The following ADCY2 variants were observed in gnomAD, a reference collection of about 807,000 sequenced individuals.
ADCY2 encodes the protein adenylate cyclase 2, also known as adenylate cyclase type 2.
In ADCY2, 31 loss-of-function variants were observed where a neutral mutation model predicts 125.2. The observed-to-expected ratio is 0.25, with a 90% confidence interval of 0.19 to 0.33. The LOEUF (loss-of-function observed/expected upper bound fraction) is 0.33. ADCY2 is among the 10% of genes least tolerant of loss of function. The pLI is 1.00. For synonymous variants in ADCY2, 512 were observed against 548.4 expected, an observed-to-expected ratio of 0.93 and a Z score of 0.93; for missense variants, 904 against 1,418.2, an observed-to-expected ratio of 0.64 and a Z score of 5.82.
chr5:7,426,184 T>C (rs1740379537), intron 2 of ADCY2, among the ~76,000 whole-genome samples: 1 of 152,208 alleles, frequency 6.6e-6, no homozygotes, highest in African/African-American at 2.4e-5. Context: ...ATTAGTGCCC[T>C]CTAATAGGAG....
At chr5:7,618,137 T>C (rs993297004) in intron 3 of ADCY2, among the ~76,000 whole-genome samples, 2 of 152,184 alleles carry the variant, frequency 1.3e-5, no homozygotes, top group South Asian at 2.1e-4. Context: ...CTTACTAATA[T>C]CATGTTTAAA....
chr5:7,475,471 C>A (rs1490781), intron 2 of ADCY2, among the ~76,000 whole-genome samples: 2,040 of 152,004 alleles, frequency 0.013, 41 homozygotes, highest in African/African-American at 0.047. Context: ...AACCTCCGTC[C>A]CCCGGGTTTG....
intron 2 of ADCY2, among the ~76,000 whole-genome samples, chr5:7,513,132 AAG>A (rs372436725): frequency 2.3e-5 from 3 of 128,266 alleles, no homozygotes; most frequent in Non-Finnish European, 5.3e-5. Context: ...GAGAGAGAGC[AAG>A]AGAGAGAGAG....
In ADCY2 at chr5:7,826,473, G is replaced by A. The variant is rs139442403; in HGVS notation, c.3124-246G>A. On this transcript the variant is annotated intron_variant, in intron 24 of 24. Coordinates refer to ENST00000338316, the MANE Select transcript of ADCY2 (RefSeq NM_020546.3). ...ATGATAGCATCATGGTAGCACCGTA[G>A]TTTACTGGAGTTACTTGAATTTTAG... 3.7e-3 allele frequency: 2,263 copies of A among 606,732 alleles called. 5 individuals carry two copies. Among genetic ancestry groups the A allele is most frequent in the Non-Finnish European group, 4.9e-3 (1,624 of 332,868 alleles). The allele number at this position is 606,732 out of a possible 1,614,324, so 37.6% of individuals were successfully genotyped here.
chr5:7,791,587 G>A (rs961950238), intron 20 of ADCY2, among the ~76,000 whole-genome samples: 3 of 152,254 alleles, frequency 2.0e-5, no homozygotes, highest in Non-Finnish European at 4.4e-5. Context: ...TTCTCCTGGT[G>A]TTTACTACAT....
rs574770476 is a variant in ADCY2 at position 7,709,510 on chromosome 5, C to A, written c.1578+123C>A. 14 of 1,188,158 alleles carry A rather than the reference C, an allele frequency of 1.2e-5. No homozygotes were observed. In the South Asian group the frequency reaches 2.2e-4, roughly 18 times the overall value. 73.6% of individuals were successfully genotyped at this position (1,188,158 alleles called of 1,614,324 possible). A position where few individuals can be genotyped will look rare whatever the true frequency, so the allele number is the denominator to read the frequency against. On this transcript the variant is annotated intron_variant, in intron 10 of 24. Transcript: ENST00000338316. This position sits in a 1 kb window ranked among gnomAD's most constrained non-coding sequence, Gnocchi z 4.4. ...TAAGAAACAAACTTATCACCTTCTT[C>A]TTCTCAGAGAGGCCCTTATGAACAA...
At position 7,396,169 on chromosome 5, in the gene ADCY2, C is replaced by T; in HGVS notation, c.-128C>T. The T allele has an allele frequency of 3.3e-6, 1 of 302,040 alleles. No homozygotes were observed. The highest frequency in any genetic ancestry group is 4.8e-6 in the Non-Finnish European group (1 of 209,470). 18.7% of individuals were successfully genotyped at this position (302,040 alleles called of 1,614,324 possible). ...CCGAGCTCCGCCCGCGCCGGAGGCC[C>T]CTGCGCGCAGCTCCGGGTGCCGGCA... On this transcript the variant is annotated 5_prime_UTR_variant, in exon 1 of 25. Coordinates refer to ENST00000338316, the MANE Select transcript of ADCY2 (RefSeq NM_020546.3). The surrounding 1 kb of genome is among the most constrained non-coding windows in gnomAD (Gnocchi z 5.7).
chr5:7,728,923 T>C (rs945186326), intron 14 of ADCY2, among the ~76,000 whole-genome samples: 7 of 152,204 alleles, frequency 4.6e-5, no homozygotes, highest in African/African-American at 1.2e-4. Flanking sequence ...ATTTCACTTT[T>C]AAGAAACACA....
intron 3 of ADCY2, among the ~76,000 whole-genome samples, chr5:7,527,084 G>A (rs1225094677): frequency 6.6e-6 from 1 of 152,162 alleles, no homozygotes; most frequent in Non-Finnish European, 1.5e-5. Flanking sequence ...AAGGCAAAGG[G>A]AAATTGGGAC....
intron 2 of ADCY2, among the ~76,000 whole-genome samples, chr5:7,514,530 T>G (rs10074245): frequency 0.03 from 4,520 of 152,300 alleles, 210 homozygotes; most frequent in African/African-American, 0.1. Context: ...AGCATAAACC[T>G]GATGTTATGG....
intron 2 of ADCY2, among the ~76,000 whole-genome samples, chr5:7,475,364 A>C (rs918234073): frequency 6.6e-6 from 1 of 151,660 alleles, no homozygotes; most frequent in African/African-American, 2.4e-5. Flanking sequence ...CCTGTGCTGG[A>C]GGACAGGGAG....
chr5:7,522,888 T>C (rs1456013569), intron 3 of ADCY2, among the ~76,000 whole-genome samples: 1 of 150,690 alleles, frequency 6.6e-6, no homozygotes, highest in African/African-American at 2.5e-5. Context: ...ATCGCGCCAC[T>C]GCACTCCAGC....
At chr5:7,483,182 CA>C (rs1002032688) in intron 2 of ADCY2, among the ~76,000 whole-genome samples, 1 of 151,982 alleles carries the variant, frequency 6.6e-6, no homozygotes, top group African/African-American at 2.4e-5. Flanking sequence ...ATATTTCCAA[CA>C]AAAAATGACA....
intron 2 of ADCY2, among the ~76,000 whole-genome samples, chr5:7,435,015 T>C (rs1385650228): frequency 6.6e-6 from 1 of 152,228 alleles, no homozygotes; most frequent in Non-Finnish European, 1.5e-5. Context: ...GGTGTTAGGT[T>C]ACCTGGGAAA....
chr5:7,711,424 A>ATTGG (rs1243170748), intron 10 of ADCY2, among the ~76,000 whole-genome samples: 2 of 152,176 alleles, frequency 1.3e-5, no homozygotes, highest in African/African-American at 4.8e-5. Flanking sequence ...TACATCAGCA[A>ATTGG]TTGGTTGGTT....
chr5:7,716,687 A>G (rs912961264), intron 11 of ADCY2, among the ~76,000 whole-genome samples: 1 of 152,224 alleles, frequency 6.6e-6, no homozygotes. Flanking sequence ...CATCATAGAA[A>G]AATAGGCTTA....
At chr5:7,629,393 A>G (rs1008347944) in intron 4 of ADCY2, among the ~76,000 whole-genome samples, 2 of 152,314 alleles carry the variant, frequency 1.3e-5, no homozygotes, top group South Asian at 2.1e-4. Context: ...GCAAAACTCC[A>G]TGCTGTCTTT....
rs1195223717 is a variant in ADCY2 at position 7,826,942 on chromosome 5, C to T, written c.*71C>T. 3 of 1,531,742 alleles carry T rather than the reference C, an allele frequency of 2.0e-6. No homozygotes were observed. The allele number at this position is 1,531,742 out of a possible 1,614,324, so 94.9% of individuals were successfully genotyped here. Reference sequence around the variant, plus strand: ...ATCACACACTTTCTGACTGCAACTTCTGTCCCTTGTTTTTGATGTGCGTGC... The same window carrying T: ...ATCACACACTTTCTGACTGCAACTTTTGTCCCTTGTTTTTGATGTGCGTGC... On this transcript the variant is annotated 3_prime_UTR_variant, in exon 25 of 25. Transcript: ENST00000338316.
At chr5:7,506,786 GCT>G (rs1743832087) in intron 2 of ADCY2, among the ~76,000 whole-genome samples, 1 of 118,404 alleles carries the variant, frequency 8.4e-6, no homozygotes, top group Non-Finnish European at 1.8e-5. Context: ...GTGATGCGTT[GCT>G]CTTTTTTTTT....
Sources: gnomAD v4.1 joint callset for allele counts (sites outside exome capture counted in the v4.1 genomes callset) on GRCh38, gnomAD v4.1.1 for gene constraint, Gnocchi (gnomAD v3.1) non-coding constraint, MANE v1.5 for transcripts, NCBI Gene and HGNC (gene_info 2026-07-23, HGNC 2026-07-21) for gene names.